The following SHISA6 variants were observed in gnomAD, a reference collection of about 807,000 sequenced individuals.
The protein encoded by SHISA6 is shisa family member 6.
Under a neutral mutation model 47.9 loss-of-function variants are expected in SHISA6, and 22 were observed. That is an observed-to-expected ratio of 0.46 (90% CI 0.33 to 0.66). The LOEUF (loss-of-function observed/expected upper bound fraction) is 0.66. Among genes scored for constraint, SHISA6 ranks in the 30% least tolerant of loss-of-function variants. SHISA6 has a pLI of 0.02. For synonymous variants in SHISA6, 388 were observed against 337.8 expected (o/e 1.15, Z -1.63); for missense variants, 680 against 764.6 (o/e 0.89, Z 1.30).
chr17:11,526,489 C>T (rs2071682932), intron 3 of SHISA6, among the ~76,000 whole-genome samples: 1 of 152,142 alleles, frequency 6.6e-6, no homozygotes, highest in Admixed American at 6.5e-5. Flanking sequence ...CACTTGTACT[C>T]TATGTAGCAG....
chr17:11,288,799 C>T (rs1271343196), intron 2 of SHISA6: 1 of 152,018 alleles, frequency 6.6e-6, no homozygotes, highest in Non-Finnish European at 1.5e-5. Context: ...ATGATCTTGC[C>T]TCTTTCTTTT....
chr17:11,277,280 T>TCTCTCTCTCTCTCTCTCTCTCTCACA, intron 2 of SHISA6, among the ~76,000 whole-genome samples: 1 of 53,928 alleles, frequency 1.9e-5, no homozygotes, highest in African/African-American at 7.2e-5. Flanking sequence ...TCTCTCTCTC[T>TCTCTCTCTCTCTCTCTCTCTCTCACA]CACACACACA....
At chr17:11,443,962 A>G (rs954002637) in intron 3 of SHISA6, among the ~76,000 whole-genome samples, 2 of 152,216 alleles carry the variant, frequency 1.3e-5, no homozygotes, top group Non-Finnish European at 1.5e-5. Context: ...GCATTTCACC[A>G]TAAGTGATAT....
chr17:11,315,368 G>T (rs367652024), intron 2 of SHISA6, among the ~76,000 whole-genome samples: 1 of 152,094 alleles, frequency 6.6e-6, no homozygotes, highest in South Asian at 2.1e-4. Flanking sequence ...GTAAACTGTC[G>T]TATCACCTGC....
intron 2 of SHISA6, among the ~76,000 whole-genome samples, chr17:11,287,986 C>G (rs1909380294): frequency 6.6e-6 from 1 of 152,042 alleles, no homozygotes; most frequent in Admixed American, 6.6e-5. Flanking sequence ...CAAAAATTGT[C>G]CACTCAGCTA....
chr17:11,466,915 C>G (rs1216882253), intron 3 of SHISA6, among the ~76,000 whole-genome samples: 1 of 152,152 alleles, frequency 6.6e-6, no homozygotes, highest in Non-Finnish European at 1.5e-5. Flanking sequence ...CTGCTCTCTA[C>G]TCAGGCCCAT....
chr17:11,263,618 A>G, intron 2 of SHISA6, 92 bp downstream of exon 2: 1 of 1,458,646 alleles, frequency 6.9e-7, no homozygotes, highest in African/African-American at 1.4e-5. Context: ...GTGGACCATG[A>G]TGGTGTGATG....
chr17:11,412,545 C>CT (rs34149055), intron 3 of SHISA6, among the ~76,000 whole-genome samples: 80 of 117,156 alleles, frequency 6.8e-4, no homozygotes, highest in East Asian at 1.4e-3. Context: ...TAGACTTCTT[C>CT]TTTTTTTTTT....
chr17:11,327,566 G>A (rs1205368709), intron 2 of SHISA6, among the ~76,000 whole-genome samples: 2 of 152,198 alleles, frequency 1.3e-5, no homozygotes, highest in African/African-American at 4.8e-5. Flanking sequence ...GGAGGCCAAG[G>A]CGGGTGGATC....
chr17:11,305,514 C>T (rs1442465141), intron 2 of SHISA6, among the ~76,000 whole-genome samples: 5 of 152,218 alleles, frequency 3.3e-5, no homozygotes, highest in Non-Finnish European at 7.3e-5. Flanking sequence ...GACTGCTGCA[C>T]AGCAGGCTGG....
intron 1 of SHISA6, among the ~76,000 whole-genome samples, chr17:11,259,046 G>T (rs530736564): frequency 6.6e-6 from 1 of 152,094 alleles, no homozygotes; most frequent in South Asian, 2.1e-4. Context: ...ATGGATTGAT[G>T]GATAGAGTGT....
At chr17:11,487,440 A>G (rs1245832049) in intron 3 of SHISA6, among the ~76,000 whole-genome samples, 1 of 152,200 alleles carries the variant, frequency 6.6e-6, no homozygotes, top group Non-Finnish European at 1.5e-5. Flanking sequence ...TTCCCAGAGA[A>G]TGTTGTGGGG....
At chr17:11,443,232 C>T (rs1394825508) in intron 3 of SHISA6, among the ~76,000 whole-genome samples, 1 of 152,140 alleles carries the variant, frequency 6.6e-6, no homozygotes, top group African/African-American at 2.4e-5. Flanking sequence ...CAGTCAAAGG[C>T]TGCACATCTC....
intron 2 of SHISA6, among the ~76,000 whole-genome samples, chr17:11,275,680 G>A (rs1022010609): frequency 4.6e-5 from 7 of 152,162 alleles, no homozygotes; most frequent in South Asian, 2.1e-4. Flanking sequence ...CACTGAAGCC[G>A]AGACCCAAAT....
chr17:11,545,921 T>C (rs186457180), intron 3 of SHISA6, among the ~76,000 whole-genome samples: 35 of 152,324 alleles, frequency 2.3e-4, no homozygotes, highest in African/African-American at 7.7e-4. Flanking sequence ...CGTAACACTT[T>C]TTGCACCCAG....
At chr17:11,493,502 C>T (rs1249130955) in intron 3 of SHISA6, among the ~76,000 whole-genome samples, 1 of 152,226 alleles carries the variant, frequency 6.6e-6, no homozygotes, top group Non-Finnish European at 1.5e-5. Flanking sequence ...TCTGGGATTA[C>T]AGGCATGAGC....
chr17:11,284,395 C>T (rs574592622), intron 2 of SHISA6, among the ~76,000 whole-genome samples: 15 of 152,244 alleles, frequency 9.9e-5, no homozygotes, highest in Admixed American at 1.3e-4. Flanking sequence ...ATGATTGCAA[C>T]ATGGCTGCCC....
intron 2 of SHISA6, among the ~76,000 whole-genome samples, chr17:11,318,500 G>T (rs917806155): frequency 6.6e-6 from 1 of 152,050 alleles, no homozygotes; most frequent in Non-Finnish European, 1.5e-5. Flanking sequence ...CTTTCAATGT[G>T]AGCCTGTCCC....
chr17:11,300,747 G>A (rs1909898096), intron 2 of SHISA6, among the ~76,000 whole-genome samples: 1 of 150,654 alleles, frequency 6.6e-6, no homozygotes, highest in Admixed American at 6.6e-5. Flanking sequence ...AGGAAAAACA[G>A]GCTTCTTATT....
Sources: allele counts gnomAD v4.1 joint callset (sites outside exome capture counted in the v4.1 genomes callset), GRCh38; gene constraint gnomAD v4.1.1; transcripts MANE v1.5; gene names NCBI Gene and HGNC (gene_info 2026-07-23, HGNC 2026-07-21).